The following MB21D2 variants were observed in gnomAD, a reference collection of about 807,000 sequenced individuals.
The protein encoded by MB21D2 is nucleotidyltransferase MB21D2.
Under a neutral mutation model 33.3 loss-of-function variants are expected in MB21D2, and 9 were observed. That is an observed-to-expected ratio of 0.27 (90% confidence interval 0.16 to 0.47). The LOEUF is 0.47. Ranked by LOEUF, MB21D2 falls within the 20% of genes least tolerant of loss-of-function variation. The pLI, the probability that MB21D2 is intolerant of heterozygous loss-of-function variation, is 0.99. For synonymous variants in MB21D2, 241 were observed against 236.3 expected (o/e 1.02, Z -0.18); for missense variants, 540 against 624.6 (o/e 0.86, Z 1.44).
Position 192,811,243 on chromosome 3 carries a change from G to T in MB21D2, c.212-11593C>A, listed in dbSNP as rs539455231. Reference sequence around the variant, plus strand: ...CCATTCAATAGCTTATTAATAGACAGAATCTTTATTGGCTTTTCTCTCATC... The same window carrying T: ...CCATTCAATAGCTTATTAATAGACATAATCTTTATTGGCTTTTCTCTCATC... On this transcript the variant is annotated intron_variant, in intron 1 of 1. Transcript: ENST00000392452. 2.6e-5 allele frequency among the ~76,000 whole-genome samples: 4 copies of T among 152,310 alleles called. No individual in the cohort carries two copies. In the South Asian group the frequency reaches 8.3e-4, roughly 32 times the overall value.
chr3:192,848,661 C>CAA (rs1202921179), intron 1 of MB21D2, among the ~76,000 whole-genome samples: 5 of 152,216 alleles, frequency 3.3e-5, no homozygotes, highest in Admixed American at 3.3e-4. Context: ...ACCAACCCGT[C>CAA]AGAGTTTTAT....
At chr3:192,803,471 C>T (rs764257039) in intron 1 of MB21D2, among the ~76,000 whole-genome samples, 15 of 152,208 alleles carry the variant, frequency 9.9e-5, no homozygotes, top group Non-Finnish European at 1.9e-4. Flanking sequence ...GTTCCAGAAG[C>T]TAATCCCTTC....
intron 1 of MB21D2, among the ~76,000 whole-genome samples, chr3:192,882,412 T>C (rs927057430): frequency 6.6e-6 from 1 of 151,986 alleles, no homozygotes; most frequent in African/African-American, 2.4e-5. Flanking sequence ...TGAACGTATA[T>C]GCTCCTTTGC....
chr3:192,798,395 T>A lies in MB21D2; in HGVS notation c.1467A>T (p.Lys489Asn). ...VTRPHFRIDD[K>N]FF is the part of the protein sequence containing the mutation. The stretch of plus-strand genomic sequence containing the variant: ...AAAAGTCAGCTAACACTCAGAAAAA[T>A]TTGTCATCAATTCTGAAATGGGGCC... The change falls in exon 2 of 2, where the codon AAA (lysine) becomes AAT (asparagine). Residue 489 changes from lysine to asparagine, a missense_variant. Transcript: ENST00000392452. This position sits in a 1 kb window ranked among gnomAD's most constrained non-coding sequence, Gnocchi z 4.8. 2 of 1,612,276 alleles carry A rather than the reference T, an allele frequency of 1.2e-6. No individual in the cohort carries two copies. The highest frequency in any genetic ancestry group is 1.7e-6 in the Non-Finnish European group (2 of 1,178,742).
chr3:192,909,608 T>C (rs1714294206), intron 1 of MB21D2, among the ~76,000 whole-genome samples: 1 of 152,056 alleles, frequency 6.6e-6, no homozygotes, highest in South Asian at 2.1e-4. Flanking sequence ...TTCCATGCTG[T>C]TTCCATGGAC....
intron 1 of MB21D2, among the ~76,000 whole-genome samples, chr3:192,843,261 T>C (rs909477289): frequency 1.3e-5 from 2 of 152,204 alleles, no homozygotes; most frequent in African/African-American, 4.8e-5. Context: ...ACTAAGTTAG[T>C]CCTGTCAGTG....
In MB21D2 at chr3:192,869,657, C is replaced by G. The variant is rs1325225892; in HGVS notation, c.211+47973G>C. Among the ~76,000 whole-genome samples, 4 of 152,118 alleles carry G rather than the reference C, an allele frequency of 2.6e-5. No homozygotes were observed. The East Asian group carries it at 7.7e-4, about 29-fold the overall frequency. On this transcript the variant is annotated intron_variant, in intron 1 of 1. Coordinates refer to ENST00000392452, the MANE Select transcript of MB21D2 (RefSeq NM_178496.4). ...TTACTGGCCTCTTGGTTCTGAAAAC[C>G]CCCCTTTCTCCTCCCCATAAAAAGC...
intron 1 of MB21D2, among the ~76,000 whole-genome samples, chr3:192,895,086 A>AG (rs1283433524): frequency 6.9e-6 from 1 of 145,870 alleles, no homozygotes. Flanking sequence ...GTTGGGGGGG[A>AG]GGGGGCCAAG....
At chr3:192,802,075 T>A (rs1221741067) in intron 1 of MB21D2, among the ~76,000 whole-genome samples, 1 of 152,216 alleles carries the variant, frequency 6.6e-6, no homozygotes, top group Non-Finnish European at 1.5e-5. Context: ...AATAAAGGAC[T>A]TCCAGCTGCT....
At chr3:192,852,332 A>C (rs1462769904) in intron 1 of MB21D2, among the ~76,000 whole-genome samples, 1 of 152,244 alleles carries the variant, frequency 6.6e-6, no homozygotes, top group Non-Finnish European at 1.5e-5. Flanking sequence ...AGGCGAAAGA[A>C]AGCCATAGGA....
intron 1 of MB21D2, among the ~76,000 whole-genome samples, chr3:192,851,751 C>T (rs921332240): frequency 4.6e-5 from 7 of 152,076 alleles, no homozygotes; most frequent in African/African-American, 1.4e-4. Context: ...CCCCCTGACT[C>T]GGCCTCCCAA....
intron 1 of MB21D2, among the ~76,000 whole-genome samples, chr3:192,883,426 A>G (rs111372987): frequency 6.6e-6 from 1 of 152,150 alleles, no homozygotes. Context: ...TAAAACATAT[A>G]CATAAACATT....
At chr3:192,902,507 T>C (rs529293697) in intron 1 of MB21D2, among the ~76,000 whole-genome samples, 4 of 152,326 alleles carry the variant, frequency 2.6e-5, no homozygotes, top group African/African-American at 9.6e-5. Context: ...ACTTGGAACA[T>C]CGCCTAGCCA....
At chr3:192,819,112 G>A (rs1311584255) in intron 1 of MB21D2, among the ~76,000 whole-genome samples, 1 of 152,168 alleles carries the variant, frequency 6.6e-6, no homozygotes, top group Admixed American at 6.5e-5. Flanking sequence ...TCTGAAGAAT[G>A]CTAGATCCCA....
At chr3:192,813,977 A>C (rs1432007321) in intron 1 of MB21D2, among the ~76,000 whole-genome samples, 1 of 152,204 alleles carries the variant, frequency 6.6e-6, no homozygotes, top group African/African-American at 2.4e-5. Context: ...TCAATAACCA[A>C]GTGCTTAATA....
intron 1 of MB21D2, among the ~76,000 whole-genome samples, chr3:192,901,434 A>AAT (rs1714100380): frequency 6.7e-6 from 1 of 149,616 alleles, no homozygotes; most frequent in Admixed American, 6.6e-5. Flanking sequence ...AAAAAAAAAA[A>AAT]GACTTTATTG....
At chr3:192,825,228 A>G (rs1712149548) in intron 1 of MB21D2, among the ~76,000 whole-genome samples, 1 of 152,216 alleles carries the variant, frequency 6.6e-6, no homozygotes, top group East Asian at 1.9e-4. Context: ...TGCAGCCTGC[A>G]TGCTACTTTA....
At chr3:192,896,326 G>C (rs887242297) in intron 1 of MB21D2, among the ~76,000 whole-genome samples, 5 of 152,172 alleles carry the variant, frequency 3.3e-5, no homozygotes, top group Admixed American at 1.3e-4. Flanking sequence ...CAAAGTCCAC[G>C]TTCTTTCTTC....
intron 1 of MB21D2, among the ~76,000 whole-genome samples, chr3:192,828,803 C>T (rs1480909051): frequency 6.7e-6 from 1 of 150,220 alleles, no homozygotes; most frequent in African/African-American, 2.4e-5. Flanking sequence ...CGCCCGCCAT[C>T]ACACCCGGCT....
Sources: allele counts gnomAD v4.1 joint callset (sites outside exome capture counted in the v4.1 genomes callset), GRCh38; gene constraint gnomAD v4.1.1; non-coding constraint Gnocchi (gnomAD v3.1); transcripts MANE v1.5; gene names NCBI Gene and HGNC (gene_info 2026-07-23, HGNC 2026-07-21).